The following SLC22A15 variants were observed in gnomAD, a reference collection of about 807,000 sequenced individuals.
SLC22A15 encodes flipt 1.
Under a neutral mutation model 62.7 loss-of-function variants are expected in SLC22A15, and 45 were observed. The ratio of observed to expected loss-of-function variants is 0.72; its 90% CI spans 0.56 to 0.92. SLC22A15 has a LOEUF of 0.92. SLC22A15 is among the 40% of genes least tolerant of loss of function. SLC22A15 has a pLI of 0.00. For synonymous variants in SLC22A15, 264 were observed against 267.0 expected, an observed-to-expected ratio of 0.99 and a Z score of 0.11; for missense variants, 622 against 665.6, an observed-to-expected ratio of 0.93 and a Z score of 0.72.
At chr1:116,009,168 C>G (rs1689144) in intron 2 of SLC22A15, among the ~76,000 whole-genome samples, 23,218 of 152,076 alleles carry the variant, frequency 0.15, 3,363 homozygotes, top group African/African-American at 0.39. Context: ...CACTATGTCT[C>G]TCCTCTCTGA....
intron 2 of SLC22A15, among the ~76,000 whole-genome samples, chr1:115,998,654 TTTTA>T (rs1655548531): frequency 6.6e-6 from 1 of 152,126 alleles, no homozygotes; most frequent in African/African-American, 2.4e-5. Flanking sequence ...TCATCTCTGA[TTTTA>T]TTTATTTGGG....
chr1:116,043,878 T>C (rs1041079665), intron 8 of SLC22A15, among the ~76,000 whole-genome samples: 4 of 152,162 alleles, frequency 2.6e-5, no homozygotes, highest in Non-Finnish European at 5.9e-5. Flanking sequence ...CTTGAAAGAT[T>C]ATAAACTACC....
In SLC22A15 at chr1:116,069,173, A is replaced by G. The variant is rs2101586453; in HGVS notation, c.*2065A>G. On this transcript the variant is annotated 3_prime_UTR_variant, in exon 12 of 12. Transcript: ENST00000369503. ...TAGGAGGGGGAGATCTACAATTTGAATATGTGTTACTTAATAAGGCTAGGC... is the reference window on the plus strand; with the variant it reads ...TAGGAGGGGGAGATCTACAATTTGAGTATGTGTTACTTAATAAGGCTAGGC... 6.6e-6 allele frequency: 1 copy of G among 152,292 alleles called. No individual in the cohort carries two copies. The highest frequency in any genetic ancestry group is 6.5e-5 in the Admixed American group (1 of 15,290). 9.4% of individuals were successfully genotyped at this position (152,292 alleles called of 1,614,324 possible).
At chr1:116,062,252 T>A (rs771656215) in intron 8 of SLC22A15, among the ~76,000 whole-genome samples, 4 of 152,154 alleles carry the variant, frequency 2.6e-5, no homozygotes, top group African/African-American at 9.7e-5. Context: ...GATCTTCTGA[T>A]AGTAATTGAA....
chr1:115,979,405 A>G (rs1181458897), intron 1 of SLC22A15, among the ~76,000 whole-genome samples: 2 of 152,216 alleles, frequency 1.3e-5, no homozygotes, highest in African/African-American at 4.8e-5. Flanking sequence ...TCAGCGTAAG[A>G]TGCAAATGCC....
intron 8 of SLC22A15, among the ~76,000 whole-genome samples, chr1:116,058,920 G>A (rs576590768): frequency 2.0e-5 from 3 of 152,148 alleles, no homozygotes; most frequent in South Asian, 2.1e-4. Flanking sequence ...CTATGAGGAC[G>A]CAAAAGCATA....
At chr1:116,052,034 G>A (rs942198187) in intron 8 of SLC22A15, among the ~76,000 whole-genome samples, 3 of 152,226 alleles carry the variant, frequency 2.0e-5, no homozygotes, top group Admixed American at 6.5e-5. Flanking sequence ...TCTCACTAGG[G>A]AGTGCCAGAC....
At chr1:116,034,147 G>C (rs1175321438) in intron 6 of SLC22A15, among the ~76,000 whole-genome samples, 1 of 152,150 alleles carries the variant, frequency 6.6e-6, no homozygotes, top group South Asian at 2.1e-4. Context: ...ATCAAACTGT[G>C]TTGCAAAAGC....
chr1:115,980,560 AAGC>A (rs1404210655), intron 1 of SLC22A15, among the ~76,000 whole-genome samples: 7 of 152,364 alleles, frequency 4.6e-5, no homozygotes, highest in Non-Finnish European at 7.3e-5. Context: ...AGTGAAAAAA[AAGC>A]AGAACAGTGT....
chr1:116,018,118 G>A (rs1188751163), intron 2 of SLC22A15, among the ~76,000 whole-genome samples: 2 of 152,098 alleles, frequency 1.3e-5, no homozygotes, highest in South Asian at 2.1e-4. Context: ...TCTCCAGGAC[G>A]CTTTCAACAT....
chr1:116,012,558 T>C (rs1218278426), intron 2 of SLC22A15, among the ~76,000 whole-genome samples: 2 of 152,176 alleles, frequency 1.3e-5, no homozygotes, highest in Non-Finnish European at 2.9e-5. Context: ...ATGGGTACAC[T>C]AGGATGTCAG....
intron 5 of SLC22A15, 21 bp from the exon 6 acceptor site, chr1:116,031,344 GC>G: frequency 6.3e-7 from 1 of 1,584,728 alleles, no homozygotes; most frequent in Non-Finnish European, 8.6e-7. Flanking sequence ...GAATATACAG[GC>G]TTTAATGACA....
At chr1:116,018,526 G>A (rs977156695) in intron 2 of SLC22A15, among the ~76,000 whole-genome samples, 17 of 151,924 alleles carry the variant, frequency 1.1e-4, no homozygotes, top group Admixed American at 3.3e-4. Context: ...CACCACGCCC[G>A]GCTAATTTTT....
intron 1 of SLC22A15, among the ~76,000 whole-genome samples, chr1:115,978,354 T>A (rs1654423990): frequency 6.6e-6 from 1 of 152,222 alleles, no homozygotes; most frequent in African/African-American, 2.4e-5. Flanking sequence ...TAACTTACTT[T>A]TATTTATGGT....
At position 115,992,154 on chromosome 1, in the gene SLC22A15, G is replaced by GC. The variant is rs758995916; in HGVS notation, c.213dup (p.Phe72LeufsTer12). ...TAACCAGTCAGCTGGTGAAGACCAG[G>GC]CCTTTGGGGACTGGCTCCTGACAGC... On this transcript the variant is annotated frameshift_variant, in exon 2 of 12. Transcript: ENST00000369503. LOFTEE classifies it high-confidence loss of function. 1 of 1,613,260 alleles carries GC rather than the reference G, an allele frequency of 6.2e-7. No homozygotes were observed. Among genetic ancestry groups the GC allele is most frequent in the Non-Finnish European group, 8.5e-7 (1 of 1,179,592 alleles).
At chr1:116,023,341 ATATT>A (rs1557892289) in intron 4 of SLC22A15, among the ~76,000 whole-genome samples, 2 of 152,200 alleles carry the variant, frequency 1.3e-5, no homozygotes, top group Non-Finnish European at 2.9e-5. Context: ...CCATATTAAT[ATATT>A]TATTATTTGT....
chr1:116,062,402 G>C (rs200024186), intron 8 of SLC22A15, among the ~76,000 whole-genome samples: 3 of 152,302 alleles, frequency 2.0e-5, no homozygotes, highest in East Asian at 3.9e-4. Flanking sequence ...GATTATGTGA[G>C]TAAGAGGGAA....
At position 116,053,289 on chromosome 1, in the gene SLC22A15, GA is replaced by G. The variant is rs1346475598; in HGVS notation, c.1172-9471del. Reference sequence around the variant, plus strand: ...CCTCAGGAGCTGATGTGATCAACTGGAAGAAAGGGTATCAGTGATGGAAGAT... The same window carrying G: ...CCTCAGGAGCTGATGTGATCAACTGGAGAAAGGGTATCAGTGATGGAAGAT... On this transcript the variant is annotated intron_variant, in intron 8 of 11. Coordinates refer to ENST00000369503, the MANE Select transcript of SLC22A15 (RefSeq NM_018420.3). Among the ~76,000 whole-genome samples the G allele has an allele frequency of 2.0e-5, 3 of 152,298 alleles. No homozygotes were observed. The East Asian group carries it at 5.8e-4, about 29-fold the overall frequency.
At chr1:116,024,007 C>T (rs1229855255) in intron 4 of SLC22A15, among the ~76,000 whole-genome samples, 2 of 152,160 alleles carry the variant, frequency 1.3e-5, no homozygotes, top group South Asian at 2.1e-4. Flanking sequence ...CTGTGATGGG[C>T]CAAATGAGGA....
Sources: gnomAD v4.1 joint callset for allele counts (sites outside exome capture counted in the v4.1 genomes callset) on GRCh38, gnomAD v4.1.1 for gene constraint, MANE v1.5 for transcripts, NCBI Gene and HGNC (gene_info 2026-07-23, HGNC 2026-07-21) for gene names.